Variants in SPECC1 observed in about 807,000 individuals in gnomAD.
SPECC1 encodes cytospin-B.
Under a neutral mutation model 104.1 loss-of-function variants are expected in SPECC1, and 62 were observed. That is an observed-to-expected ratio of 0.60 (90% CI 0.49 to 0.74). The LOEUF is 0.74. Ranked by LOEUF, SPECC1 falls within the 30% of genes least tolerant of loss-of-function variation. SPECC1 has a pLI of 0.00. For synonymous variants in SPECC1, 513 were observed against 501.6 expected, an observed-to-expected ratio of 1.02 and a Z score of -0.30; for missense variants, 1,306 against 1,310.5, an observed-to-expected ratio of 1.00 and a Z score of 0.05.
intron 1 of SPECC1, among the ~76,000 whole-genome samples, chr17:20,025,895 A>G (rs1013886080): frequency 2.6e-5 from 4 of 152,100 alleles, no homozygotes; most frequent in Non-Finnish European, 5.9e-5. Flanking sequence ...TATTCTAGCC[A>G]TCCTAGTGCA....
chr17:20,240,411 GCTTTAT>G (rs951559628), intron 7 of SPECC1, among the ~76,000 whole-genome samples: 26 of 151,832 alleles, frequency 1.7e-4, no homozygotes, highest in Admixed American at 1.2e-3. Context: ...ATGTGATATG[GCTTTAT>G]CTTTATCATA....
intron 1 of SPECC1, among the ~76,000 whole-genome samples, chr17:20,022,851 G>C (rs1307111199): frequency 6.6e-6 from 1 of 152,218 alleles, no homozygotes; most frequent in Non-Finnish European, 1.5e-5. Context: ...GTTATGGAGT[G>C]GGTGGACTCG....
intron 3 of SPECC1, among the ~76,000 whole-genome samples, chr17:20,156,415 G>A (rs530087044): frequency 9.2e-5 from 14 of 152,262 alleles, no homozygotes; most frequent in Non-Finnish European, 1.5e-4. Context: ...CTGTGCCGAC[G>A]CCGCGACCAG....
intron 7 of SPECC1, among the ~76,000 whole-genome samples, chr17:20,233,628 C>G (rs1310818362): frequency 6.6e-6 from 1 of 152,176 alleles, no homozygotes; most frequent in Non-Finnish European, 1.5e-5. Context: ...TCTGCCTCAG[C>G]CTTCTGACTA....
chr17:20,239,188 A>G, intron 7 of SPECC1: 1 of 1,022,908 alleles, frequency 9.8e-7, no homozygotes, highest in Non-Finnish European at 1.2e-6. Context: ...TGTTTTGTTG[A>G]CATTTAAATA....
chr17:20,194,505 T>TTTTTTTTTTTTTATTTTTTTTA (rs2035890596), intron 3 of SPECC1, among the ~76,000 whole-genome samples: 1 of 48,012 alleles, frequency 2.1e-5, no homozygotes, highest in South Asian at 1.7e-3. Context: ...AGAACGAATT[T>TTTTTTTTTTTTTATTTTTTTTA]TTTTTTTTTT....
At chr17:20,238,113 C>T (rs1208071831) in intron 7 of SPECC1, 3 of 1,028,540 alleles carry the variant, frequency 2.9e-6, no homozygotes, top group Admixed American at 5.7e-5. Flanking sequence ...AACAAGGTGC[C>T]TCCAAGCTTT....
intron 13 of SPECC1, 86 bp downstream of exon 13, chr17:20,297,163 A>G: frequency 1.1e-5 from 13 of 1,147,774 alleles, no homozygotes; most frequent in Non-Finnish European, 1.5e-5. Context: ...GGGGGCTTAC[A>G]GGCCTGAAGT....
intron 7 of SPECC1, among the ~76,000 whole-genome samples, chr17:20,243,889 T>TG (rs2151530572): frequency 6.6e-6 from 1 of 152,158 alleles, no homozygotes; most frequent in Admixed American, 6.5e-5. Context: ...TGATTGTCCT[T>TG]GGGGGCCTTT....
rs1239323939 is a variant in SPECC1 at position 20,296,994 on chromosome 17, A to G, written c.2974A>G (p.Ser992Gly). The change falls in exon 13 of 15, where the codon AGC (serine) becomes GGC (glycine). Residue 992 changes from serine (S) to glycine (G), a missense_variant. Physicochemically the swap from Ser to Gly is moderately conservative, Grantham distance 56. Transcript: ENST00000395527. ...CATCACCAATTTCAGCAGCAGCTGGAGCGATGGCCTGGCCTTCTGTGCTCT... is the reference window on the plus strand; with the variant it reads ...CATCACCAATTTCAGCAGCAGCTGGGGCGATGGCCTGGCCTTCTGTGCTCT... ...IDITNFSSSWSDGLAFCALLH... is the reference protein window; with the variant it reads ...IDITNFSSSWGDGLAFCALLH... The G allele has an allele frequency of 1.2e-6, 2 of 1,614,134 alleles. No homozygotes were observed. Among genetic ancestry groups the G allele is most frequent in the African/African-American group, 2.7e-5 (2 of 75,036 alleles).
chr17:20,115,233 G>A (rs980257441), intron 3 of SPECC1, among the ~76,000 whole-genome samples: 1 of 152,152 alleles, frequency 6.6e-6, no homozygotes, highest in African/African-American at 2.4e-5. Flanking sequence ...CCAGCACTTT[G>A]GGAGGCCAAG....
At chr17:20,031,823 A>T (rs977670669) in intron 1 of SPECC1, among the ~76,000 whole-genome samples, 1 of 152,194 alleles carries the variant, frequency 6.6e-6, no homozygotes, top group African/African-American at 2.4e-5. Flanking sequence ...ATGTTGTAGC[A>T]TGTGTCAGAA....
intron 3 of SPECC1, among the ~76,000 whole-genome samples, chr17:20,184,821 G>C (rs977749387): frequency 2.0e-5 from 3 of 152,214 alleles, no homozygotes; most frequent in African/African-American, 7.2e-5. Context: ...TCTTTCCGTG[G>C]TAAAGTGCTG....
At chr17:20,109,957 C>G (rs1166864100) in intron 2 of SPECC1, among the ~76,000 whole-genome samples, 1 of 152,092 alleles carries the variant, frequency 6.6e-6, no homozygotes, top group Non-Finnish European at 1.5e-5. Flanking sequence ...CTTCTGGGCT[C>G]AAGCAATCCT....
rs561407018 is a variant in SPECC1, at chr17:20,150,292, T to C, written c.283+39730T>C. Among the ~76,000 whole-genome samples, 13 of 151,476 alleles carry C rather than the reference T, an allele frequency of 8.6e-5. No individual in the cohort carries two copies. The East Asian group carries it at 2.3e-3, about 27-fold the overall frequency. On this transcript the variant is annotated intron_variant, in intron 3 of 14. Transcript: ENST00000395527. The stretch of plus-strand genomic sequence containing the variant: ...GCCACTGTGCCCGGCCTTTTTTCTT[T>C]TTTTTTTTGGGACGGAGTCTCAGCT...
chr17:20,171,605 T>C (rs2034095400), intron 3 of SPECC1, among the ~76,000 whole-genome samples: 2 of 152,092 alleles, frequency 1.3e-5, no homozygotes, highest in African/African-American at 4.8e-5. Flanking sequence ...TGGAGAGCAG[T>C]GGTGCAATCA....
chr17:20,301,909 T>C (rs866621032), intron 13 of SPECC1, among the ~76,000 whole-genome samples: 10 of 152,312 alleles, frequency 6.6e-5, no homozygotes, highest in Middle Eastern at 3.4e-3. Context: ...TTTCATCATG[T>C]TGGTCAGGCT....
chr17:20,079,805 C>A (rs907690321), intron 1 of SPECC1, among the ~76,000 whole-genome samples: 1 of 152,136 alleles, frequency 6.6e-6, no homozygotes, highest in African/African-American at 2.4e-5. Flanking sequence ...GTGATGGTGG[C>A]TGCGAAGCTG....
chr17:20,132,983 G>GC (rs2152550365), intron 3 of SPECC1, among the ~76,000 whole-genome samples: 1 of 152,132 alleles, frequency 6.6e-6, no homozygotes, highest in African/African-American at 2.4e-5. Context: ...TCGTGATCCT[G>GC]CCGCCTCGGC....
Sources: allele counts gnomAD v4.1 joint callset (sites outside exome capture counted in the v4.1 genomes callset), GRCh38; gene constraint gnomAD v4.1.1; transcripts MANE v1.5; gene names NCBI Gene and HGNC (gene_info 2026-07-23, HGNC 2026-07-21).